Variants in ROBO2 observed in about 807,000 individuals in gnomAD.
ROBO2 encodes roundabout guidance receptor 2.
ROBO2 carries 53 observed loss-of-function variants against 160.8 expected under a neutral mutation model. The ratio of observed to expected loss-of-function variants is 0.33; its 90% confidence interval spans 0.26 to 0.41. The LOEUF is 0.41. ROBO2 is among the 10% of genes least tolerant of loss of function. ROBO2 has a pLI of 1.00. For synonymous variants in ROBO2, 664 were observed against 611.7 expected, an observed-to-expected ratio of 1.09 and a Z score of -1.26; for missense variants, 1,577 against 1,722.4, an observed-to-expected ratio of 0.92 and a Z score of 1.49.
chr3:76,269,347 CA>C (rs1202753064), intron 2 of ROBO2, among the ~76,000 whole-genome samples: 2 of 152,016 alleles, frequency 1.3e-5, no homozygotes, highest in East Asian at 3.9e-4. Context: ...TGAAGCTTTA[CA>C]ATGTTGACCT....
intron 1 of ROBO2, among the ~76,000 whole-genome samples, chr3:77,069,330 G>A (rs2067170688): frequency 6.6e-6 from 1 of 152,108 alleles, no homozygotes; most frequent in Admixed American, 6.6e-5. Context: ...GAATGAGGAT[G>A]CTTTGTTGGC....
intron 2 of ROBO2, among the ~76,000 whole-genome samples, chr3:77,431,249 G>T (rs1370690328): frequency 6.6e-6 from 1 of 152,092 alleles, no homozygotes; most frequent in African/African-American, 2.4e-5. Flanking sequence ...AACAATCAAT[G>T]GGATTTGATT....
At position 77,256,747 on chromosome 3, in the gene ROBO2, G is replaced by A. The variant is rs560215109; in HGVS notation, c.388+158407G>A. Among the ~76,000 whole-genome samples the A allele has an allele frequency of 2.0e-5, 3 of 152,270 alleles. No individual in the cohort carries two copies. The South Asian group carries it at 6.2e-4, about 32-fold the overall frequency. ...AGCAGAGCATGAAACCAAGGCTCTC[G>A]AGGAACACCAAAACAAACAAACTCT... On this transcript the variant is annotated intron_variant, in intron 2 of 25. Coordinates refer to ENST00000461745, the Ensembl canonical transcript of ROBO2.
In ROBO2 at chr3:77,300,846, CTATTTATTTATTTATTTATT is replaced by C. The variant is rs3070173; in HGVS notation, c.389-176542_389-176523del. Among the ~76,000 whole-genome samples, 69 of 146,354 alleles carry C rather than the reference CTATTTATTTATTTATTTATT, an allele frequency of 4.7e-4. 1 individual carries two copies. The highest frequency in any genetic ancestry group is 4.0e-4 in the East Asian group (2 of 4,954). On this transcript the variant is annotated intron_variant, in intron 2 of 25. Transcript: ENST00000461745. The stretch of plus-strand genomic sequence containing the variant: ...TTTAAACCTAAACTGAAATAATAGA[CTATTTATTTATTTATTTATT>C]TATTTATTTATTTATTTATTTATTT...
At chr3:77,219,511 A>ATATATATC (rs1314566381) in intron 2 of ROBO2, among the ~76,000 whole-genome samples, 4 of 142,274 alleles carry the variant, frequency 2.8e-5, no homozygotes, top group Non-Finnish European at 4.6e-5. Context: ...ATATATATAT[A>ATATATATC]TATCTGTGTG....
chr3:77,131,266 T>C (rs2075828642), intron 2 of ROBO2, among the ~76,000 whole-genome samples: 1 of 152,160 alleles, frequency 6.6e-6, no homozygotes, highest in African/African-American at 2.4e-5. Flanking sequence ...TTTTCTTCCT[T>C]AGTATTCATA....
chr3:76,691,193 C>G (rs2092794360), intron 2 of ROBO2, among the ~76,000 whole-genome samples: 1 of 152,022 alleles, frequency 6.6e-6, no homozygotes. Context: ...GGGCTCCTAA[C>G]AAAGGAATAA....
intron 2 of ROBO2, among the ~76,000 whole-genome samples, chr3:76,483,184 T>C (rs1450484177): frequency 2.0e-5 from 3 of 152,144 alleles, no homozygotes. Context: ...TTTAAAATTG[T>C]TTTTGGAGAT....
At chr3:77,573,810 T>C (rs1422991512) in intron 13 of ROBO2, among the ~76,000 whole-genome samples, 1 of 151,994 alleles carries the variant, frequency 6.6e-6, no homozygotes, top group African/African-American at 2.4e-5. Context: ...TAGGCTTTCT[T>C]AGCTCTTGGC....
chr3:76,546,772 A>G (rs1012951318), intron 2 of ROBO2, among the ~76,000 whole-genome samples: 2 of 151,864 alleles, frequency 1.3e-5, no homozygotes, highest in African/African-American at 4.8e-5. Context: ...TTTCTACTAC[A>G]AGGAAGTCTA....
At chr3:77,256,319 T>G (rs778553279) in intron 2 of ROBO2, among the ~76,000 whole-genome samples, 3 of 152,208 alleles carry the variant, frequency 2.0e-5, no homozygotes, top group Non-Finnish European at 4.4e-5. Flanking sequence ...TTTTATTTTT[T>G]ATAGTGCTCA....
At chr3:77,566,527 C>A (rs1000467592) in intron 12 of ROBO2, among the ~76,000 whole-genome samples, 2 of 151,986 alleles carry the variant, frequency 1.3e-5, no homozygotes, top group African/African-American at 4.8e-5. Context: ...ATCATTTATA[C>A]CTTTGTGCAT....
intron 2 of ROBO2, among the ~76,000 whole-genome samples, chr3:76,945,445 C>G (rs2078472096): frequency 6.6e-6 from 1 of 152,016 alleles, no homozygotes; most frequent in Non-Finnish European, 1.5e-5. Flanking sequence ...GAGTGATTGA[C>G]TTTCTTACTT....
intron 2 of ROBO2, among the ~76,000 whole-genome samples, chr3:76,279,048 CATTT>C (rs1193278968): frequency 1.3e-5 from 2 of 151,636 alleles, no homozygotes; most frequent in Non-Finnish European, 2.9e-5. Flanking sequence ...TTGCAGCAAA[CATTT>C]ATGTATAGAA....
At chr3:76,431,357 A>C (rs1371665853) in intron 2 of ROBO2, among the ~76,000 whole-genome samples, 2 of 152,174 alleles carry the variant, frequency 1.3e-5, no homozygotes, top group Non-Finnish European at 2.9e-5. Context: ...ACTAAAAAGT[A>C]GCCTTATAAT....
chr3:76,090,715 A>G (rs922961303), intron 2 of ROBO2, among the ~76,000 whole-genome samples: 1 of 152,204 alleles, frequency 6.6e-6, no homozygotes, highest in Non-Finnish European at 1.5e-5. Context: ...TGTAATCAAA[A>G]CAGTGTCGTG....
chr3:77,135,485 T>G (rs928750338), intron 2 of ROBO2, among the ~76,000 whole-genome samples: 3 of 152,116 alleles, frequency 2.0e-5, no homozygotes, highest in Non-Finnish European at 4.4e-5. Flanking sequence ...CCTGCAGTCT[T>G]GACCTCCCAG....
At chr3:76,362,267 G>A (rs1450589258) in intron 2 of ROBO2, among the ~76,000 whole-genome samples, 1 of 152,024 alleles carries the variant, frequency 6.6e-6, no homozygotes, top group East Asian at 1.9e-4. Context: ...GGGAAGCTGA[G>A]GTGGGAGGAT....
At chr3:77,053,826 A>G (rs2065450822) in intron 1 of ROBO2, among the ~76,000 whole-genome samples, 1 of 152,182 alleles carries the variant, frequency 6.6e-6, no homozygotes, top group Non-Finnish European at 1.5e-5. Flanking sequence ...TAGAGGGAGA[A>G]GCCAGCAAAG....
Sources: gnomAD v4.1 joint callset for allele counts (sites outside exome capture counted in the v4.1 genomes callset) on GRCh38, gnomAD v4.1.1 for gene constraint, MANE v1.5 for transcripts, NCBI Gene and HGNC (gene_info 2026-07-23, HGNC 2026-07-21) for gene names.